Variants in PCBP3 observed in about 807,000 individuals in gnomAD.
PCBP3 encodes poly(rC) binding protein 3, also known as poly(rC)-binding protein 3.
PCBP3 carries 25 observed loss-of-function variants against 52.7 expected under a neutral mutation model. The observed-to-expected ratio is 0.47, with a 90% CI of 0.35 to 0.66. The LOEUF is 0.66. Among genes scored for constraint, PCBP3 ranks in the 30% least tolerant of loss-of-function variants. PCBP3 has a pLI of 0.01. For synonymous variants in PCBP3, 162 were observed against 183.0 expected (o/e 0.89, Z 0.93); for missense variants, 391 against 490.3 (o/e 0.80, Z 1.91).
rs1384157644 is a variant in PCBP3 at position 45,896,254 on chromosome 21, C to T, written c.57C>T (p.Ser19=). 15 of 1,552,190 alleles carry T rather than the reference C, an allele frequency of 9.7e-6. No homozygotes were observed. The highest frequency in any genetic ancestry group is 1.3e-5 in the Non-Finnish European group (15 of 1,147,074). Residue 19 remains serine, a synonymous_variant, in exon 6 of 18, where the codon AGC becomes AGT. Transcript: ENST00000681687. ...CTGTCCTTCCTCACAGCACCCTCAG[C>T]ACCTTAAGCCACCACCCTCAGCCAC... ...APSVLPHSTL[S]TLSHHPQPQF...
intron 4 of PCBP3, among the ~76,000 whole-genome samples, chr21:45,803,376 G>A (rs547826037): frequency 6.6e-6 from 1 of 152,306 alleles, no homozygotes; most frequent in South Asian, 2.1e-4. Context: ...TCTTTTCTGT[G>A]GTGGTGAAGG....
chr21:45,796,070 C>T (rs2091907097), intron 4 of PCBP3, among the ~76,000 whole-genome samples: 1 of 152,200 alleles, frequency 6.6e-6, no homozygotes, highest in Admixed American at 6.5e-5. Context: ...AGTCAGAGGG[C>T]TGCACTCTCA....
intron 13 of PCBP3, among the ~76,000 whole-genome samples, chr21:45,923,586 C>G (rs1034347621): frequency 2.0e-5 from 3 of 152,084 alleles, no homozygotes; most frequent in African/African-American, 7.2e-5. Context: ...CTCACTGGCC[C>G]GTGGAGGTCT....
intron 9 of PCBP3, among the ~76,000 whole-genome samples, chr21:45,907,843 A>G (rs1193595067): frequency 1.4e-5 from 2 of 142,248 alleles, no homozygotes; most frequent in Non-Finnish European, 3.0e-5. Flanking sequence ...AGGAGCTGGA[A>G]GGGAAGGACG....
intron 2 of PCBP3, among the ~76,000 whole-genome samples, chr21:45,733,912 G>A (rs2145823250): frequency 6.6e-6 from 1 of 152,270 alleles, no homozygotes; most frequent in Admixed American, 6.5e-5. Context: ...ATCTCTGTGT[G>A]TATAATTTCT....
At chr21:45,850,258 T>C (rs2093942809) in intron 5 of PCBP3, among the ~76,000 whole-genome samples, 163 bp downstream of exon 5, 1 of 152,182 alleles carries the variant, frequency 6.6e-6, no homozygotes, top group Non-Finnish European at 1.5e-5. Flanking sequence ...TGTATATGAC[T>C]TTGGGAAATT....
chr21:45,813,163 C>T (rs190159486), intron 4 of PCBP3, among the ~76,000 whole-genome samples: 2 of 152,288 alleles, frequency 1.3e-5, no homozygotes, highest in African/African-American at 4.8e-5. Flanking sequence ...TTTTAGACCA[C>T]TCACTATTGT....
intron 3 of PCBP3, among the ~76,000 whole-genome samples, chr21:45,740,688 CGTGT>C (rs1158526027): frequency 3.3e-5 from 5 of 149,878 alleles, no homozygotes; most frequent in East Asian, 2.0e-4. Flanking sequence ...TGTACACATG[CGTGT>C]GTGTATGTGT....
At chr21:45,793,017 T>C (rs1191854831) in intron 4 of PCBP3, among the ~76,000 whole-genome samples, 1 of 152,136 alleles carries the variant, frequency 6.6e-6, no homozygotes, top group Non-Finnish European at 1.5e-5. Flanking sequence ...ACAGGAACAG[T>C]ATCCAGGATG....
intron 2 of PCBP3, among the ~76,000 whole-genome samples, chr21:45,702,324 G>A (rs572521130): frequency 2.0e-4 from 30 of 152,230 alleles, no homozygotes; most frequent in Middle Eastern, 3.4e-3. Flanking sequence ...TTTTCCTAAC[G>A]TTAACACATT....
In PCBP3 at chr21:45,882,172, C is replaced by T. The variant is rs77850908; in HGVS notation, c.11-14036C>T. ...CACTGTACAAGGGTTCCCTTTTGTCCACCTCCTCACCAACACTTAGCTTTT... is the reference window on the plus strand; with the variant it reads ...CACTGTACAAGGGTTCCCTTTTGTCTACCTCCTCACCAACACTTAGCTTTT... On this transcript the variant is annotated intron_variant, in intron 5 of 17. Transcript: ENST00000681687. Among the ~76,000 whole-genome samples, 833 of 152,254 alleles carry T rather than the reference C, an allele frequency of 5.5e-3. 3 individuals are homozygous for T. Among genetic ancestry groups the T allele is most frequent in the Non-Finnish European group, 9.4e-3 (639 of 67,998 alleles).
intron 11 of PCBP3, among the ~76,000 whole-genome samples, chr21:45,912,491 A>G (rs1175180623): frequency 1.3e-5 from 2 of 152,156 alleles, no homozygotes; most frequent in Non-Finnish European, 2.9e-5. Flanking sequence ...CCTCACACCC[A>G]GGAGATGACG....
In PCBP3 at chr21:45,788,344, G is replaced by GCGGCCCCAGGCCGGGAGAAGGAGA. The variant is rs1434420342; in HGVS notation, c.-126+32894_-126+32917dup. The GCGGCCCCAGGCCGGGAGAAGGAGA allele has an allele frequency of 6.6e-6, 1 of 152,430 alleles. No individual in the cohort carries two copies. Among genetic ancestry groups the GCGGCCCCAGGCCGGGAGAAGGAGA allele is most frequent in the Non-Finnish European group, 1.5e-5 (1 of 68,252 alleles). The allele number at this position is 152,430 out of a possible 1,614,324, so 9.4% of individuals were successfully genotyped here. On this transcript the variant is annotated intron_variant, in intron 4 of 17. Coordinates refer to ENST00000681687, the MANE Select transcript of PCBP3 (RefSeq NM_001384156.1). The surrounding 1 kb of genome is among the most constrained non-coding windows in gnomAD (Gnocchi z 4.3). Reference sequence around the variant, plus strand: ...GGGAGCAGGTGGGCTGGCAGGACAGGCGGCCCCAGGCCGGGAGAAGGAGAC... The same window carrying GCGGCCCCAGGCCGGGAGAAGGAGA: ...GGGAGCAGGTGGGCTGGCAGGACAGGCGGCCCCAGGCCGGGAGAAGGAGACGGCCCCAGGCCGGGAGAAGGAGAC...
In PCBP3 at chr21:45,724,439, T is replaced by A. The variant is rs1365587047; in HGVS notation, c.-199-10953T>A. Among the ~76,000 whole-genome samples the A allele has an allele frequency of 6.6e-6, 1 of 151,852 alleles. No individual in the cohort carries two copies. The highest frequency in any genetic ancestry group is 1.5e-5 in the Non-Finnish European group (1 of 67,978). On this transcript the variant is annotated intron_variant, in intron 2 of 17. Transcript: ENST00000681687. The surrounding 1 kb of genome is among the most constrained non-coding windows in gnomAD (Gnocchi z 5.3). ...TTCTGCTCTCTGCTTGTTCATCCTC[T>A]CCCAACGGGGCAGCCCCAGAAGCCA...
At chr21:45,706,562 G>C (rs559583745) in intron 2 of PCBP3, among the ~76,000 whole-genome samples, 45 of 151,712 alleles carry the variant, frequency 3.0e-4, no homozygotes, top group Non-Finnish European at 4.9e-4. Flanking sequence ...TCCCTCCCCA[G>C]TCCCCACTGC....
intron 4 of PCBP3, among the ~76,000 whole-genome samples, chr21:45,797,770 G>GGATCCATAGACAGAGTGAATGCA (rs201960387): frequency 3.0e-3 from 1 of 330 alleles, no homozygotes; most frequent in Non-Finnish European, 7.1e-3. Context: ...GGATGTGCAT[G>GGATCCATAGACAGAGTGAATGCA]TGGATGAATG....
At chr21:45,673,862 A>C (rs868169507) in intron 2 of PCBP3, 1 of 152,326 alleles carries the variant, frequency 6.6e-6, no homozygotes, top group Middle Eastern at 3.4e-3. Context: ...ATGTCTCTCT[A>C]TGAGTTTTAC....
chr21:45,790,054 G>A (rs1390213357), intron 4 of PCBP3, among the ~76,000 whole-genome samples: 1 of 152,162 alleles, frequency 6.6e-6, no homozygotes, highest in Non-Finnish European at 1.5e-5. Context: ...GCAGGAGAAT[G>A]GCGTGAACCC....
chr21:45,745,056 TAC>T (rs1035230028), intron 3 of PCBP3, among the ~76,000 whole-genome samples: 5 of 152,042 alleles, frequency 3.3e-5, no homozygotes, highest in Non-Finnish European at 7.4e-5. Context: ...AGCAGCAGGG[TAC>T]AGTGTGAGCA....
Sources: gnomAD v4.1 joint callset for allele counts (sites outside exome capture counted in the v4.1 genomes callset) on GRCh38, gnomAD v4.1.1 for gene constraint, Gnocchi (gnomAD v3.1) non-coding constraint, MANE v1.5 for transcripts, NCBI Gene and HGNC (gene_info 2026-07-23, HGNC 2026-07-21) for gene names.